SORBS2: variants seen among roughly 807,000 people sequenced by gnomAD.
The protein encoded by SORBS2 is sorbin and SH3 domain containing 2, also known as sorbin and SH3 domain-containing protein 2.
SORBS2 carries 46 observed loss-of-function variants against 97.7 expected under a neutral mutation model. That is an observed-to-expected ratio of 0.47 (90% CI 0.37 to 0.60). SORBS2 has a LOEUF of 0.60. Among genes scored for constraint, SORBS2 ranks in the 20% least tolerant of loss-of-function variants. The probability of loss-of-function intolerance (pLI) is 0.00; values close to 1 mark genes in which losing one functional copy is unlikely to be tolerated. For missense variants in SORBS2, 1,316 were observed against 1,282.3 expected, an observed-to-expected ratio of 1.03 and a Z score of -0.40; for synonymous variants, 476 against 473.4, an observed-to-expected ratio of 1.01 and a Z score of -0.07.
chr4:185,775,590 A>G (rs1028417555), intron 1 of SORBS2: 1 of 152,224 alleles, frequency 6.6e-6, no homozygotes, highest in Non-Finnish European at 1.5e-5. Flanking sequence ...TTGTGCAAAT[A>G]TTCATTTAAA....
At chr4:185,729,486 C>T (rs1245029757) in intron 2 of SORBS2, among the ~76,000 whole-genome samples, 1 of 152,192 alleles carries the variant, frequency 6.6e-6, no homozygotes, top group Non-Finnish European at 1.5e-5. Context: ...GTGGGGAGAA[C>T]ACTCCTCACT....
chr4:185,623,037 C>A lies in SORBS2; in HGVS notation c.2092G>T (p.Gly698Cys), dbSNP rs763690203. The A allele has an allele frequency of 6.2e-7, 1 of 1,614,038 alleles. No homozygotes were observed. Among genetic ancestry groups the A allele is most frequent in the African/African-American group, 1.3e-5 (1 of 74,918 alleles). Residue 698 changes from glycine to cysteine, a missense_variant, in exon 7 of 15, where the codon GGT (glycine) becomes TGT (cysteine). Gly to Cys is a radical substitution (Grantham distance 159). Coordinates refer to ENST00000418609, the Ensembl canonical transcript of SORBS2. This position sits in a 1 kb window ranked among gnomAD's most constrained non-coding sequence, Gnocchi z 6.4. ...TGGTAGGGTGGACAATGAATAGCACCATCGGGAGGCAGTGGGTGGAGAGGC... is the reference window on the plus strand; with the variant it reads ...TGGTAGGGTGGACAATGAATAGCACAATCGGGAGGCAGTGGGTGGAGAGGC...
chr4:185,721,084 C>CTTTTTTTTT lies in SORBS2; in HGVS notation c.-197-42271_-197-42263dup, dbSNP rs1160319469. On this transcript the variant is annotated intron_variant, in intron 2 of 20. Transcript: ENST00000284776. ...CCTAACTCCTGCTTTCCCACCTATTCTTTTTTTTTTTTTTTTTTTTTTGAG... is the reference window on the plus strand; with the variant it reads ...CCTAACTCCTGCTTTCCCACCTATTCTTTTTTTTTTTTTTTTTTTTTTTTTTTTTTTGAG... 6.9e-3 allele frequency among the ~76,000 whole-genome samples: 640 copies of CTTTTTTTTT among 92,096 alleles called. 40 individuals carry two copies. The highest frequency in any genetic ancestry group is 9.5e-3 in the African/African-American group (215 of 22,680). The allele number at this position is 92,096 out of a possible 152,430, so 60.4% of individuals were successfully genotyped here.
intron 2 of SORBS2, among the ~76,000 whole-genome samples, chr4:185,736,689 C>T (rs552415832): frequency 6.6e-6 from 1 of 152,268 alleles, no homozygotes; most frequent in Admixed American, 6.5e-5. Context: ...GGCTCAGGGC[C>T]ACTGGAACAC....
chr4:185,918,460 C>T (rs1187059600), intron 1 of SORBS2: 1 of 152,140 alleles, frequency 6.6e-6, no homozygotes, highest in African/African-American at 2.4e-5. Flanking sequence ...CCGCCAGTGC[C>T]CAACTGACTG....
At chr4:185,593,288 A>G (rs1432947609) in intron 13 of SORBS2, 1 of 152,412 alleles carries the variant, frequency 6.6e-6, no homozygotes, top group African/African-American at 2.4e-5. Context: ...TCTTCAAGAC[A>G]ACGTGTGACA....
intron 1 of SORBS2, among the ~76,000 whole-genome samples, chr4:185,779,945 C>G (rs984583180): frequency 6.7e-6 from 1 of 149,226 alleles, no homozygotes; most frequent in Non-Finnish European, 1.5e-5. Flanking sequence ...TGGGGATGAA[C>G]AGGGAAGTGC....
chr4:185,888,925 G>A (rs377056725), intron 1 of SORBS2, among the ~76,000 whole-genome samples: 4 of 152,180 alleles, frequency 2.6e-5, no homozygotes, highest in South Asian at 2.1e-4. Context: ...GTAGGTGTTC[G>A]GCCCACCTGT....
chr4:185,915,775 A>G (rs1052113681), intron 1 of SORBS2, among the ~76,000 whole-genome samples: 4 of 152,200 alleles, frequency 2.6e-5, no homozygotes, highest in Admixed American at 1.3e-4. Context: ...ATGATTGCAA[A>G]GCAAGATAAG....
intron 1 of SORBS2, among the ~76,000 whole-genome samples, chr4:185,868,159 C>CTTTTTTT (rs112680775): frequency 0.012 from 1,261 of 105,038 alleles, 64 homozygotes; most frequent in Middle Eastern, 0.03. Context: ...TTTTTTCTTT[C>CTTTTTTT]TTTTTTTTTT....
intron 2 of SORBS2, among the ~76,000 whole-genome samples, chr4:185,719,077 A>T (rs555540480): frequency 1.8e-4 from 17 of 94,456 alleles, no homozygotes; most frequent in South Asian, 6.2e-4. Flanking sequence ...ATCTGGTTTT[A>T]AAAAAAAATC....
At chr4:185,761,501 C>T (rs1034364960) in intron 2 of SORBS2, 3 of 152,198 alleles carry the variant, frequency 2.0e-5, no homozygotes, top group African/African-American at 4.8e-5. Context: ...ATGTTCAGGG[C>T]GATGTCATTG....
At chr4:185,944,806 A>G (rs2099273764) in intron 1 of SORBS2, among the ~76,000 whole-genome samples, 2 of 152,196 alleles carry the variant, frequency 1.3e-5, no homozygotes, top group South Asian at 2.1e-4. Flanking sequence ...GTGTCCCACA[A>G]TCATAAAACA....
rs376008323 is a variant in SORBS2 at position 185,638,035 on chromosome 4, G to C, written c.397-7437C>G. 2.2e-5 allele frequency: 25 copies of C among 1,157,390 alleles called. No individual in the cohort carries two copies. In the African/African-American group the frequency reaches 3.0e-4, roughly 14 times the overall value. The allele number at this position is 1,157,390 out of a possible 1,614,324, so 71.7% of individuals were successfully genotyped here. Reference sequence around the variant, plus strand: ...ATAATTGTATTTTAGAAATCAAACAGTATACTCCTAGTTTTCTTATATTAA... The same window carrying C: ...ATAATTGTATTTTAGAAATCAAACACTATACTCCTAGTTTTCTTATATTAA... On this transcript the variant is annotated intron_variant, in intron 4 of 14. Coordinates refer to ENST00000418609, the Ensembl canonical transcript of SORBS2.
Position 185,933,765 on chromosome 4 carries a change from A to T in SORBS2, c.-338+22431T>A, listed in dbSNP as rs2099267571. On this transcript the variant is annotated intron_variant, in intron 1 of 20. Coordinates refer to the SORBS2 transcript ENST00000284776. ...TACCAGCCACTCATTTCCCAAAAAA[A>T]GTCACATACGTAGGTACTGGAGGTT... is the stretch of plus-strand genomic sequence containing the variant. Among the ~76,000 whole-genome samples, 3 of 152,324 alleles carry T rather than the reference A, an allele frequency of 2.0e-5. No homozygotes were observed. In the South Asian group the frequency reaches 6.2e-4, roughly 32 times the overall value.
chr4:185,923,368 T>C (rs1250373127), intron 1 of SORBS2, among the ~76,000 whole-genome samples: 2 of 151,982 alleles, frequency 1.3e-5, no homozygotes, highest in African/African-American at 2.4e-5. Flanking sequence ...AGTGGTGCCA[T>C]CATTACTCAC....
intron 2 of SORBS2, among the ~76,000 whole-genome samples, chr4:185,749,492 G>A (rs1297362164): frequency 6.6e-6 from 1 of 152,158 alleles, no homozygotes; most frequent in Non-Finnish European, 1.5e-5. Flanking sequence ...AATCCTGATG[G>A]GATTGAAAAT....
chr4:185,906,761 T>G (rs1268233438), intron 1 of SORBS2, among the ~76,000 whole-genome samples: 1 of 152,190 alleles, frequency 6.6e-6, no homozygotes, highest in African/African-American at 2.4e-5. Flanking sequence ...AAGATCTTTC[T>G]TCTAATAAAT....
Position 185,720,435 on chromosome 4 carries a change from T to C in SORBS2, c.-197-41613A>G, listed in dbSNP as rs997867232. 3.3e-5 allele frequency among the ~76,000 whole-genome samples: 5 copies of C among 152,330 alleles called. No individual in the cohort carries two copies. In the South Asian group the frequency reaches 1.0e-3, roughly 32 times the overall value. On this transcript the variant is annotated intron_variant, in intron 2 of 20. Coordinates refer to the SORBS2 transcript ENST00000284776. ...GTCTTGGGTTGAGTGACACGGCGGC[T>C]ATTGAACGTATTTCTGTGGCACTGT...
Sources: allele counts gnomAD v4.1 joint callset (sites outside exome capture counted in the v4.1 genomes callset), GRCh38; gene constraint gnomAD v4.1.1; non-coding constraint Gnocchi (gnomAD v3.1); transcripts MANE v1.5; gene names NCBI Gene and HGNC (gene_info 2026-07-23, HGNC 2026-07-21).